Variants in TAS2R1 observed in about 807,000 individuals in gnomAD.
TAS2R1 encodes taste 2 receptor member 1, also known as taste receptor type 2 member 1.
For synonymous variants in TAS2R1, 141 were observed against 134.2 expected (o/e 1.05, Z -0.35); for missense variants, 370 against 353.4 (o/e 1.05, Z -0.38).
the TAS2R1 span, among the ~76,000 whole-genome samples, chr5:9,786,849 C>T: frequency 1.2e-3 from 177 of 152,374 alleles, 1 homozygote; most frequent in Middle Eastern, 6.8e-3. Context: ...ACCTTCCATT[C>T]TTCCCCACAT....
chr5:9,784,739 G>A, the TAS2R1 span, among the ~76,000 whole-genome samples: 1 of 152,142 alleles, frequency 6.6e-6, no homozygotes. Context: ...AGCATCAGTG[G>A]CTGCCACCAA....
At chr5:9,897,633 T>C in the TAS2R1 span, among the ~76,000 whole-genome samples, 2 of 152,226 alleles carry the variant, frequency 1.3e-5, no homozygotes, top group Admixed American at 6.5e-5. Context: ...GTATTATATC[T>C]TTGCCTAAAG....
chr5:9,651,591 C>G (rs1350060774), intron 2 of TAS2R1, among the ~76,000 whole-genome samples: 1 of 152,060 alleles, frequency 6.6e-6, no homozygotes, highest in Non-Finnish European at 1.5e-5. Flanking sequence ...GATTTTAAAG[C>G]TTTCATTTTC....
the TAS2R1 span, among the ~76,000 whole-genome samples, chr5:9,888,823 G>A: frequency 6.6e-6 from 1 of 152,202 alleles, no homozygotes; most frequent in African/African-American, 2.4e-5. Flanking sequence ...GGGGAGGAGT[G>A]AGCAGTGAGA....
At chr5:9,740,563 A>G in the TAS2R1 span, among the ~76,000 whole-genome samples, 1 of 152,222 alleles carries the variant, frequency 6.6e-6, no homozygotes, top group African/African-American at 2.4e-5. Flanking sequence ...AAGCTGTGGA[A>G]TTTTTTAGTG....
intron 2 of TAS2R1, among the ~76,000 whole-genome samples, chr5:9,651,738 C>A (rs1429967067): frequency 6.6e-6 from 1 of 151,916 alleles, no homozygotes; most frequent in Non-Finnish European, 1.5e-5. Context: ...ATGAAGAACA[C>A]TCCGGAGACC....
intron 2 of TAS2R1, among the ~76,000 whole-genome samples, chr5:9,643,237 C>A (rs956986261): frequency 6.6e-6 from 1 of 152,112 alleles, no homozygotes; most frequent in Non-Finnish European, 1.5e-5. Flanking sequence ...TTACACAAAC[C>A]TAGATGGTAT....
At chr5:9,890,106 A>G in the TAS2R1 span, among the ~76,000 whole-genome samples, 1 of 152,154 alleles carries the variant, frequency 6.6e-6, no homozygotes, top group African/African-American at 2.4e-5. Context: ...GGGTAAAAAG[A>G]AAAAGGGACT....
chr5:9,629,270 T>C lies in TAS2R1; in HGVS notation c.763A>G (p.Arg255Gly). The C allele has an allele frequency of 6.2e-7, 1 of 1,614,058 alleles. No individual in the cohort carries two copies. Among genetic ancestry groups the C allele is most frequent in the Non-Finnish European group, 8.5e-7 (1 of 1,179,998 alleles). The change falls in exon 1 of 1, where the codon AGA becomes GGA. Residue 255 changes from arginine (R) to glycine (G), a missense_variant. Physicochemically the swap from Arg to Gly is moderately radical, Grantham distance 125. Transcript: ENST00000382492. ...ATGAAGAACAGAAAGATGAACCTTC[T>C]GATGTGAAACTTTAGAGAAGAGAGA... ...VFLSSLKFHI[R>G]RFIFLFFILV...
At position 9,627,878 on chromosome 5, in the gene TAS2R1, G is replaced by C. The variant is rs1211119278; in HGVS notation, c.*1255C>G. 6.6e-6 allele frequency among the ~76,000 whole-genome samples: 1 copy of C among 152,136 alleles called. No homozygotes were observed. Among genetic ancestry groups the C allele is most frequent in the Non-Finnish European group, 1.5e-5 (1 of 68,028 alleles). On this transcript the variant is annotated 3_prime_UTR_variant, in exon 1 of 1. Transcript: ENST00000382492. ...TGCCCAAGAAGATAAGTACGTCCCT[G>C]AATCTCCTGAAGCAAAATCCTTCAT...
chr5:9,822,343 TA>T, the TAS2R1 span, among the ~76,000 whole-genome samples: 1 of 135,584 alleles, frequency 7.4e-6, no homozygotes, highest in African/African-American at 2.7e-5. Flanking sequence ...TATGCATGTG[TA>T]ATTTTTTTTT....
At chr5:9,845,661 G>A in the TAS2R1 span, among the ~76,000 whole-genome samples, 23 of 152,298 alleles carry the variant, frequency 1.5e-4, no homozygotes, top group East Asian at 4.4e-3. Flanking sequence ...AATAAAGGAA[G>A]GAGAATAAAG....
chr5:9,852,484 C>T, the TAS2R1 span, among the ~76,000 whole-genome samples: 2 of 152,144 alleles, frequency 1.3e-5, no homozygotes, highest in Non-Finnish European at 2.9e-5. Context: ...CTCCCCCTTT[C>T]TCTTGAAGGT....
the TAS2R1 span, among the ~76,000 whole-genome samples, chr5:9,847,697 C>A: frequency 6.6e-6 from 1 of 152,306 alleles, no homozygotes; most frequent in Non-Finnish European, 1.5e-5. Flanking sequence ...CATTTGTAAG[C>A]CTTTGACGGT....
chr5:9,754,071 G>A, the TAS2R1 span, among the ~76,000 whole-genome samples: 1 of 152,108 alleles, frequency 6.6e-6, no homozygotes, highest in Non-Finnish European at 1.5e-5. Context: ...GATCAAGTGG[G>A]CTTCATCCCT....
the TAS2R1 span, among the ~76,000 whole-genome samples, chr5:9,744,694 A>C: frequency 6.6e-6 from 1 of 152,230 alleles, no homozygotes; most frequent in African/African-American, 2.4e-5. Flanking sequence ...AGACATCCAC[A>C]TCCTAATCCC....
intron 1 of TAS2R1, among the ~76,000 whole-genome samples, chr5:9,677,838 G>T (rs1740904747): frequency 6.6e-6 from 1 of 152,124 alleles, no homozygotes; most frequent in African/African-American, 2.4e-5. Context: ...CAATTGATTA[G>T]AAAACTTATG....
At chr5:9,846,756 C>T in the TAS2R1 span, among the ~76,000 whole-genome samples, 4 of 152,186 alleles carry the variant, frequency 2.6e-5, no homozygotes, top group Non-Finnish European at 2.9e-5. Context: ...TTCTTGAAGG[C>T]TCAGAAGTTC....
chr5:9,689,022 T>C (rs1020275348), intron 1 of TAS2R1, among the ~76,000 whole-genome samples: 4 of 152,158 alleles, frequency 2.6e-5, no homozygotes, highest in Non-Finnish European at 4.4e-5. Context: ...TTTCATCTGC[T>C]AATACAAGGC....
Sources: allele counts gnomAD v4.1 joint callset (sites outside exome capture counted in the v4.1 genomes callset), GRCh38; gene constraint gnomAD v4.1.1; transcripts MANE v1.5; gene names NCBI Gene and HGNC (gene_info 2026-07-23, HGNC 2026-07-21).